Variants in DNAH1 observed in about 807,000 individuals in gnomAD.
DNAH1 encodes axonemal beta dynein heavy chain 1.
DNAH1 carries 327 observed loss-of-function variants against 484.3 expected under a neutral mutation model. That is an observed-to-expected ratio of 0.68 (90% CI 0.62 to 0.74). The LOEUF (loss-of-function observed/expected upper bound fraction) is 0.74. Among genes scored for constraint, DNAH1 ranks in the 30% least tolerant of loss-of-function variants. DNAH1 has a pLI of 0.00. For missense variants in DNAH1, 5,052 were observed against 5,546.8 expected, an observed-to-expected ratio of 0.91 and a Z score of 2.83; for synonymous variants, 2,192 against 2,191.9, an observed-to-expected ratio of 1.00 and a Z score of 0.00.
At chr3:52,382,193 GGGTCTGCA>G (rs1703879355) in intron 49 of DNAH1, 119 bp from the exon 50 acceptor site, 2 of 1,479,734 alleles carry the variant, frequency 1.4e-6, no homozygotes, top group Non-Finnish European at 1.9e-6. Context: ...AGGGCCTGAA[GGGTCTGCA>G]GGTCTGCCCA....
intron 73 of DNAH1, 22 bp from the exon 74 acceptor site, chr3:52,397,685 A>G (rs375777717): frequency 7.6e-6 from 12 of 1,572,928 alleles, no homozygotes; most frequent in Non-Finnish European, 1.0e-5. Flanking sequence ...AGGGGCTTCC[A>G]TGTTGGCCTC....
chr3:52,314,578 G>A (rs966402766), upstream of DNAH1, among the ~76,000 whole-genome samples: 2 of 152,218 alleles, frequency 1.3e-5, 1 homozygote, highest in South Asian at 4.1e-4. Context: ...GGGCAGGGCT[G>A]CTGAGAAAAG....
intron 8 of DNAH1, among the ~76,000 whole-genome samples, chr3:52,337,050 C>T (rs1447110915): frequency 1.3e-5 from 2 of 152,156 alleles, no homozygotes; most frequent in Admixed American, 6.6e-5. Context: ...ATTGATTCTT[C>T]CAGTCCATCA....
intron 43 of DNAH1, 39 bp downstream of exon 43, chr3:52,372,426 C>T: frequency 1.9e-6 from 3 of 1,605,732 alleles, no homozygotes; most frequent in Non-Finnish European, 2.5e-6. Flanking sequence ...CCTGCATCCT[C>T]CCAGCCTGGC....
rs146747806 is a variant in DNAH1 at position 52,361,613 on chromosome 3, T to C, written c.4875-48T>C. The C allele has an allele frequency of 5.2e-3, 7,953 of 1,537,356 alleles. 29 individuals carry two copies. Among genetic ancestry groups the C allele is most frequent in the Non-Finnish European group, 6.1e-3 (6,943 of 1,133,018 alleles). ...GGGCCCTCAGAGGGAGGTGCCCAGA[T>C]TGGGCTCTGAACACATGTGCCCCAT... On this transcript the variant is annotated intron_variant, in intron 29 of 77. Transcript: ENST00000420323. This position sits in a 1 kb window ranked among gnomAD's most constrained non-coding sequence, Gnocchi z 5.6.
chr3:52,393,254 G>T, intron 65 of DNAH1, 80 bp from the exon 66 acceptor site: 2 of 1,588,896 alleles, frequency 1.3e-6, no homozygotes, highest in Non-Finnish European at 1.7e-6. Context: ...CTGCTGGGGA[G>T]ACTGGCTAGG....
At position 52,361,027 on chromosome 3, in the gene DNAH1, C is replaced by T. The variant is rs1184719508; in HGVS notation, c.4686-137C>T. Reference sequence around the variant, plus strand: ...GGTGTCCACAGGCTCCAGTCCTGACCCCGGAGCCAGGGCTGGGCACACCCC... The same window carrying T: ...GGTGTCCACAGGCTCCAGTCCTGACTCCGGAGCCAGGGCTGGGCACACCCC... On this transcript the variant is annotated intron_variant, in intron 28 of 77. Coordinates refer to ENST00000420323, the MANE Select transcript of DNAH1 (RefSeq NM_015512.5). This position sits in a 1 kb window ranked among gnomAD's most constrained non-coding sequence, Gnocchi z 5.6. 1.3e-6 allele frequency: 1 copy of T among 793,770 alleles called. No individual in the cohort carries two copies. Among genetic ancestry groups the T allele is most frequent in the Non-Finnish European group, 1.8e-6 (1 of 562,402 alleles). 49.2% of individuals were successfully genotyped at this position (793,770 alleles called of 1,614,324 possible). A position where few individuals can be genotyped will look rare whatever the true frequency, so the allele number is the denominator to read the frequency against.
intron 45 of DNAH1, 71 bp downstream of exon 45, chr3:52,375,484 T>C (rs1703551343): frequency 6.5e-7 from 1 of 1,533,336 alleles, no homozygotes; most frequent in African/African-American, 1.4e-5. Flanking sequence ...CAAGGACAAC[T>C]GGGTGGCCAC....
At position 52,347,854 on chromosome 3, in the gene DNAH1, C is replaced by T. The variant is rs376991251; in HGVS notation, c.1986C>T (p.Asp662=). Residue 662 remains aspartate, a synonymous_variant, in exon 12 of 78, where the codon GAC becomes GAT. Coordinates refer to ENST00000420323, the MANE Select transcript of DNAH1 (RefSeq NM_015512.5). The part of the protein sequence containing the change: ...RPRKNPLFIM[D]LVLDSSGVHY... ...GGAAGAATCCCCTGTTCATCATGGA[C>T]CTGGTGCTGGACAGCTCTGGGGTGC... The T allele has an allele frequency of 1.5e-3, 2,398 of 1,600,494 alleles. 22 individuals are homozygous for T. The highest frequency in any genetic ancestry group is 0.014 in the South Asian group (1,199 of 88,780).
rs115997037 is a variant in DNAH1 at position 52,317,645 on chromosome 3, A to G, written c.-35+1100A>G. Among the ~76,000 whole-genome samples the G allele has an allele frequency of 1.2e-3, 190 of 152,330 alleles. 4 individuals are homozygous for G. The highest frequency in any genetic ancestry group is 4.4e-3 in the African/African-American group (184 of 41,584). On this transcript the variant is annotated intron_variant, in intron 1 of 77. Coordinates refer to ENST00000420323, the MANE Select transcript of DNAH1 (RefSeq NM_015512.5). ...GCACAGGAGGGAAGATGGGTGGGTAATGGAGCCTAGAAGAGTGACGCTCCC... is the reference window on the plus strand; with the variant it reads ...GCACAGGAGGGAAGATGGGTGGGTAGTGGAGCCTAGAAGAGTGACGCTCCC...
At chr3:52,398,326 T>G (rs1215594181) in intron 75 of DNAH1, among the ~76,000 whole-genome samples, 164 bp downstream of exon 75, 2 of 152,190 alleles carry the variant, frequency 1.3e-5, no homozygotes, top group South Asian at 2.1e-4. Context: ...TCTGTTGCCA[T>G]GCTGGAGTGC....
rs371787188 is a variant in DNAH1, at chr3:52,364,849, G to A, written c.5348G>A (p.Arg1783Gln). 6.5e-5 allele frequency: 105 copies of A among 1,613,742 alleles called. 1 individual carries two copies. In the South Asian group the frequency reaches 8.9e-4, roughly 14 times the overall value. Residue 1783 changes from arginine (R) to glutamine (Q), a missense_variant, in exon 34 of 78, where the codon CGG becomes CAG. Physicochemically the swap from Arg to Gln is conservative, Grantham distance 43. Around this residue, in one of 4 missense-constraint regions of DNAH1, gnomAD observed 2,929 missense variants for 3,409.4 expected, o/e 0.86. Coordinates refer to ENST00000420323, the MANE Select transcript of DNAH1 (RefSeq NM_015512.5). This position sits in a 1 kb window ranked among gnomAD's most constrained non-coding sequence, Gnocchi z 4.2. Reference sequence around the variant, plus strand: ...CTGCTGCAGGAGCTGATCTGCCTCCGGGCCATCCGTGATGTGAACGTGCCC... The same window carrying A: ...CTGCTGCAGGAGCTGATCTGCCTCCAGGCCATCCGTGATGTGAACGTGCCC... ...PSMNEELICL[R>Q]AIRDVNVPKF...
intron 1 of DNAH1, 70 bp from the exon 2 acceptor site, chr3:52,322,339 A>T: frequency 9.3e-7 from 1 of 1,072,628 alleles, no homozygotes; most frequent in Non-Finnish European, 1.3e-6. Context: ...CAGGCAATCT[A>T]GGCATCCATG....
At chr3:52,392,806 TCCC>T in intron 64 of DNAH1, 21 bp from the exon 65 acceptor site, 1 of 423,414 alleles carries the variant, frequency 2.4e-6, no homozygotes, top group Non-Finnish European at 4.2e-6. Context: ...CTTTGACCCC[TCCC>T]CCCACCCACT....
In DNAH1 at chr3:52,355,451, T is replaced by G. The variant is rs1386835188; in HGVS notation, c.3693+396T>G. 6.6e-6 allele frequency among the ~76,000 whole-genome samples: 1 copy of G among 152,222 alleles called. No homozygotes were observed. Among genetic ancestry groups the G allele is most frequent in the Non-Finnish European group, 1.5e-5 (1 of 68,028 alleles). On this transcript the variant is annotated intron_variant, in intron 21 of 77. Transcript: ENST00000420323. The surrounding 1 kb of genome is among the most constrained non-coding windows in gnomAD (Gnocchi z 4.5). ...AGAGCACCTCAGTGCCCTTTCCCAC[T>G]CTGTCCTGAGCTTCTGTTCTCATCT...
At chr3:52,354,030 C>T (rs969895949) in intron 20 of DNAH1, among the ~76,000 whole-genome samples, 1 of 151,956 alleles carries the variant, frequency 6.6e-6, no homozygotes, top group African/African-American at 2.4e-5. Flanking sequence ...CCCATCTCTA[C>T]AAAAAATTAA....
rs768465996 is a variant in DNAH1, at chr3:52,395,435, A to G, written c.11096A>G (p.Lys3699Arg). ...GCCGAAGAAATGAAGTTCTCCAAAA[A>G]GCTCTCTGCCATCTCCCTGGGCCAG... The part of the protein sequence containing the change: ...KFAEEMKFSK[K>R]LSAISLGQGQ... Residue 3699 changes from lysine (K) to arginine (R), a missense_variant, in exon 69 of 78, where the codon AAG (lysine) becomes AGG (arginine). Coordinates refer to ENST00000420323, the MANE Select transcript of DNAH1 (RefSeq NM_015512.5). The surrounding 1 kb of genome is among the most constrained non-coding windows in gnomAD (Gnocchi z 4.4). 6.2e-7 allele frequency: 1 copy of G among 1,613,890 alleles called. No individual in the cohort carries two copies. The highest frequency in any genetic ancestry group is 8.5e-7 in the Non-Finnish European group (1 of 1,179,880).
At position 52,372,262 on chromosome 3, in the gene DNAH1, G is replaced by A. The variant is rs775434575; in HGVS notation, c.6702G>A (p.Thr2234=). The A allele has an allele frequency of 2.3e-5, 37 of 1,613,800 alleles. No individual in the cohort carries two copies. Among genetic ancestry groups the A allele is most frequent in the East Asian group, 1.1e-4 (5 of 44,890 alleles). ...LCIGPTGTGK[T]LTISDKLLKN... is the part of the protein sequence containing the mutation. ...TTGGGCCAACAGGCACGGGGAAGAC[G>A]CTCACCATCTCTGACAAGCTCCTCA... Residue 2234 remains threonine (T), a synonymous_variant, in exon 43 of 78, where the codon ACG becomes ACA. Transcript: ENST00000420323.
At chr3:52,328,085 T>A in intron 6 of DNAH1, 71 bp downstream of exon 6, 11 of 1,575,654 alleles carry the variant, frequency 7.0e-6, no homozygotes, top group Non-Finnish European at 9.5e-6. Flanking sequence ...ACTCCTGGGC[T>A]CCCCTGGGAC....
Sources: allele counts gnomAD v4.1 joint callset (sites outside exome capture counted in the v4.1 genomes callset), GRCh38; gene constraint gnomAD v4.1.1; regional missense constraint gnomAD v4.1.1; non-coding constraint Gnocchi (gnomAD v3.1); transcripts MANE v1.5; gene names NCBI Gene and HGNC (gene_info 2026-07-23, HGNC 2026-07-21).